The following GRAMD1B variants were observed in gnomAD, a reference collection of about 807,000 sequenced individuals.
GRAMD1B encodes the protein GRAM domain containing 1B.
GRAMD1B carries 37 observed loss-of-function variants against 99.7 expected under a neutral mutation model. That is an observed-to-expected ratio of 0.37 (90% CI 0.29 to 0.49). The LOEUF (loss-of-function observed/expected upper bound fraction) is 0.49, where lower values mean the gene tolerates loss of function less well. Among genes scored for constraint, GRAMD1B ranks in the 20% least tolerant of loss-of-function variants. The pLI is 0.98. For synonymous variants in GRAMD1B, 427 were observed against 387.6 expected (o/e 1.10, Z -1.19); for missense variants, 888 against 1,009.2 (o/e 0.88, Z 1.63).
chr11:123,412,933 C>T (rs1948103544), intron 1 of GRAMD1B, among the ~76,000 whole-genome samples: 1 of 152,116 alleles, frequency 6.6e-6, no homozygotes, highest in Non-Finnish European at 1.5e-5. Flanking sequence ...AGGCACATGT[C>T]ATCACGCCCG....
intron 2 of GRAMD1B, among the ~76,000 whole-genome samples, chr11:123,532,710 C>T (rs1299456893): frequency 1.3e-5 from 2 of 152,122 alleles, no homozygotes; most frequent in Non-Finnish European, 2.9e-5. Context: ...GTTTCTTTAC[C>T]TTTTTAAATG....
chr11:123,426,349 T>G (rs1948649530), upstream of GRAMD1B, among the ~76,000 whole-genome samples: 1 of 152,156 alleles, frequency 6.6e-6, no homozygotes, highest in African/African-American at 2.4e-5. Context: ...CGGTAAATGT[T>G]TATCATCTAT....
chr11:123,377,201 A>T (rs901143346), intron 1 of GRAMD1B, among the ~76,000 whole-genome samples: 1 of 152,168 alleles, frequency 6.6e-6, no homozygotes, highest in Non-Finnish European at 1.5e-5. Context: ...CTTTAGATTG[A>T]TTTATCTTGG....
intron 1 of GRAMD1B, among the ~76,000 whole-genome samples, chr11:123,477,779 C>CTTT (rs1406332432): frequency 1.2e-5 from 1 of 83,402 alleles, no homozygotes; most frequent in Non-Finnish European, 2.7e-5. Flanking sequence ...CTTTTCTTCT[C>CTTT]TTTTTTTGTT....
intron 2 of GRAMD1B, among the ~76,000 whole-genome samples, chr11:123,539,451 A>T (rs112552724): frequency 0.039 from 5,967 of 152,184 alleles, 177 homozygotes; most frequent in Middle Eastern, 0.068. Context: ...ATAAAAATAA[A>T]AATTAGCCAG....
intron 1 of GRAMD1B, among the ~76,000 whole-genome samples, chr11:123,378,160 T>C (rs1347899661): frequency 2.0e-5 from 3 of 152,216 alleles, no homozygotes; most frequent in African/African-American, 7.2e-5. Context: ...CTTCTGAAGA[T>C]GCTGAGGCTT....
At chr11:123,426,098 C>G (rs1443194329), upstream of GRAMD1B, among the ~76,000 whole-genome samples, 1 of 152,164 alleles carries the variant, frequency 6.6e-6, no homozygotes, top group Non-Finnish European at 1.5e-5. Flanking sequence ...TGCCTTTGAG[C>G]CAGTAACAGG....
intron 3 of GRAMD1B, among the ~76,000 whole-genome samples, chr11:123,579,860 G>A (rs1298132064): frequency 1.3e-5 from 2 of 152,164 alleles, no homozygotes; most frequent in Admixed American, 6.5e-5. Context: ...GTGGGGTTTT[G>A]GAGATGCTAA....
chr11:123,516,230 G>A (rs1405671591), intron 2 of GRAMD1B, among the ~76,000 whole-genome samples: 1 of 152,202 alleles, frequency 6.6e-6, no homozygotes, highest in Non-Finnish European at 1.5e-5. Flanking sequence ...TTACTGAATA[G>A]CGCTGGTCAC....
intron 2 of GRAMD1B, among the ~76,000 whole-genome samples, chr11:123,489,955 T>C (rs1394371959): frequency 6.6e-6 from 1 of 152,082 alleles, no homozygotes; most frequent in Admixed American, 6.5e-5. Context: ...GGTGGGAGGA[T>C]CACTTGAAGC....
chr11:123,518,502 A>G (rs66737129), intron 2 of GRAMD1B, among the ~76,000 whole-genome samples: 17,420 of 152,184 alleles, frequency 0.11, 1,442 homozygotes, highest in East Asian at 0.43. Context: ...GGCCTGGCTA[A>G]GGAGTTTCCT....
chr11:123,474,246 T>G (rs189524373), intron 1 of GRAMD1B, among the ~76,000 whole-genome samples: 2 of 137,048 alleles, frequency 1.5e-5, no homozygotes, highest in African/African-American at 6.3e-5. Context: ...CAATGTTTTC[T>G]TTTTTTTAAC....
At chr11:123,580,784 T>C (rs1949265191) in intron 3 of GRAMD1B, among the ~76,000 whole-genome samples, 1 of 152,184 alleles carries the variant, frequency 6.6e-6, no homozygotes, top group African/African-American at 2.4e-5. Flanking sequence ...CCACCTGCCC[T>C]GAGGGCGCTA....
In GRAMD1B at chr11:123,625,046, A is replaced by G. The variant is rs1008571194; in HGVS notation, c.*2451A>G. ...TCTCTTGTAGGCTCTCTGTGTTCCA[A>G]TAATTTTTTGACTATCATACCAGGA... On this transcript the variant is annotated 3_prime_UTR_variant, in exon 20 of 20. Transcript: ENST00000635736. The G allele has an allele frequency of 2.0e-5, 3 of 152,178 alleles. No individual in the cohort carries two copies. The highest frequency in any genetic ancestry group is 4.4e-5 in the Non-Finnish European group (3 of 68,044). The allele number at this position is 152,178 out of a possible 1,614,324, so 9.4% of individuals were successfully genotyped here. A position where few individuals can be genotyped will look rare whatever the true frequency, so the allele number is the denominator to read the frequency against.
intron 1 of GRAMD1B, among the ~76,000 whole-genome samples, chr11:123,390,499 A>G (rs1947238450): frequency 6.6e-6 from 1 of 152,218 alleles, no homozygotes; most frequent in Non-Finnish European, 1.5e-5. Context: ...AAAACAAAAT[A>G]AAAGAGTTTT....
intron 1 of GRAMD1B, among the ~76,000 whole-genome samples, chr11:123,471,249 A>G (rs917022879): frequency 1.3e-5 from 2 of 152,204 alleles, no homozygotes; most frequent in Non-Finnish European, 2.9e-5. Context: ...TAACAATTTC[A>G]GAGGTCCACA....
At chr11:123,446,956 A>G (rs2846295) in intron 1 of GRAMD1B, among the ~76,000 whole-genome samples, 87,305 of 151,804 alleles carry the variant, frequency 0.58, 25,669 homozygotes, top group African/African-American at 0.65. Context: ...AAAGGGAGAA[A>G]GAGAGAAAGA....
At chr11:123,397,556 T>A (rs1196808920) in intron 1 of GRAMD1B, among the ~76,000 whole-genome samples, 1 of 152,166 alleles carries the variant, frequency 6.6e-6, no homozygotes, top group Non-Finnish European at 1.5e-5. Flanking sequence ...CAGGCTGGAG[T>A]GCAGAGGTAC....
At position 123,594,787 on chromosome 11, in the gene GRAMD1B, C is replaced by G. The variant is rs1951071789; in HGVS notation, c.822C>G (p.Leu274=). The change falls in exon 6 of 20, where the codon CTC becomes CTG. Residue 274 remains leucine (L), a synonymous_variant. Coordinates refer to ENST00000635736, the MANE Select transcript of GRAMD1B (RefSeq NM_001387025.1). The stretch of plus-strand genomic sequence containing the variant: ...TTCTCCTTCAGGGCCGACTCTACCT[C>G]TCTGAAAATTGGATCTGCTTCTACA... ...RDILLQGRLY[L]SENWICFYSN... is the part of the protein sequence containing the mutation. The G allele has an allele frequency of 6.2e-7, 1 of 1,609,000 alleles. No homozygotes were observed. Among genetic ancestry groups the G allele is most frequent in the Admixed American group, 1.7e-5 (1 of 60,004 alleles).
Sources: allele counts gnomAD v4.1 joint callset (sites outside exome capture counted in the v4.1 genomes callset), GRCh38; gene constraint gnomAD v4.1.1; transcripts MANE v1.5; gene names NCBI Gene and HGNC (gene_info 2026-07-23, HGNC 2026-07-21).